The following MYO1F variants were observed in gnomAD, a reference collection of about 807,000 sequenced individuals.
MYO1F encodes unconventional myosin-If.
In MYO1F, 60 loss-of-function variants were observed where a neutral mutation model predicts 146.6. The ratio of observed to expected loss-of-function variants is 0.41; its 90% confidence interval spans 0.33 to 0.51. The LOEUF (loss-of-function observed/expected upper bound fraction) is 0.51, where lower values mean the gene tolerates loss of function less well. Among genes scored for constraint, MYO1F ranks in the 20% least tolerant of loss-of-function variants. MYO1F has a pLI of 0.25. For missense variants in MYO1F, 1,274 were observed against 1,534.3 expected (o/e 0.83, Z 2.83); for synonymous variants, 602 against 602.1 (o/e 1.00, Z 0.00).
intron 16 of MYO1F, 108 bp from the exon 17 acceptor site, chr19:8,537,163 G>C (rs996407394): frequency 1.3e-6 from 1 of 761,588 alleles, no homozygotes. Context: ...CTGGGGGTGG[G>C]TGAGGGCTGG....
chr19:8,561,596 TCTTC>T lies in MYO1F; in HGVS notation c.4-5804_4-5801del, dbSNP rs1286437781. ...CCTTCCTTCCTTCCCTCCCTCCCTC[TCTTC>T]TCTTTTTTCTTTCTCTCTTTCTTTC... On this transcript the variant is annotated intron_variant, in intron 1 of 27. Coordinates refer to ENST00000644032, the MANE Select transcript of MYO1F (RefSeq NM_012335.4). 1.5e-4 allele frequency among the ~76,000 whole-genome samples: 17 copies of T among 111,882 alleles called. No individual in the cohort carries two copies. In the East Asian group the frequency reaches 3.4e-3, roughly 22 times the overall value. 73.4% of individuals were successfully genotyped at this position (111,882 alleles called of 152,430 possible).
rs375744241 is a variant in MYO1F, at chr19:8,550,258, C to T, written c.1003G>A (p.Glu335Lys). Residue 335 changes from glutamate to lysine, a missense_variant, in exon 10 of 28, where the codon GAG becomes AAG. Glu to Lys is a moderately conservative substitution (Grantham distance 56, BLOSUM62 1). Around this residue, in one of 2 missense-constraint regions of MYO1F, gnomAD observed 900 missense variants for 1,155.1 expected, o/e 0.78. Transcript: ENST00000644032. ...ACGTTGAGGGTCACATTGATGGACTCGCTGCGCCCGCCCCAGCGGCTGTCC... is the reference window on the plus strand; with the variant it reads ...ACGTTGAGGGTCACATTGATGGACTTGCTGCGCCCGCCCCAGCGGCTGTCC... Reference protein sequence around the residue: ...KMDSRWGGRSESINVTLNVEQ... With the variant: ...KMDSRWGGRSKSINVTLNVEQ... The T allele has an allele frequency of 4.3e-6, 7 of 1,614,070 alleles. No homozygotes were observed. The African/African-American group carries it at 5.3e-5, about 12-fold the overall frequency.
In MYO1F at chr19:8,530,106, G is replaced by C; in HGVS notation, c.2328+90C>G. 1 of 1,539,170 alleles carries C rather than the reference G, an allele frequency of 6.5e-7. No individual in the cohort carries two copies. Among genetic ancestry groups the C allele is most frequent in the Non-Finnish European group, 9.0e-7 (1 of 1,115,560 alleles). On this transcript the variant is annotated intron_variant, in intron 21 of 27. Coordinates refer to ENST00000644032, the MANE Select transcript of MYO1F (RefSeq NM_012335.4). The surrounding 1 kb of genome is among the most constrained non-coding windows in gnomAD (Gnocchi z 5.8). ...TGGAACAGATGGATCTAGGCTGGGG[G>C]ATATCTGGCTGTGGGCAGGTGCATC...
chr19:8,553,247 G>A lies in MYO1F; in HGVS notation c.415-19C>T. 6.2e-7 allele frequency: 1 copy of A among 1,613,894 alleles called. No individual in the cohort carries two copies. The highest frequency in any genetic ancestry group is 8.5e-7 in the Non-Finnish European group (1 of 1,179,786). ...TGACGTGCTGGGGCAGAGGCAGGTG[G>A]AGTGGGAAGAAGTCAGACTGAGGCA... is the stretch of plus-strand genomic sequence containing the variant. On this transcript the variant is annotated intron_variant, in intron 5 of 27. Coordinates refer to ENST00000644032, the MANE Select transcript of MYO1F (RefSeq NM_012335.4).
chr19:8,533,252 C>T (rs1047513360), intron 19 of MYO1F, among the ~76,000 whole-genome samples: 4 of 151,968 alleles, frequency 2.6e-5, no homozygotes, highest in Admixed American at 1.3e-4. Context: ...TCGTCTGGAA[C>T]TCCTGGGCTC....
At chr19:8,553,035 T>C (rs1186730524) in intron 6 of MYO1F, 104 bp downstream of exon 6, 5 of 1,131,316 alleles carry the variant, frequency 4.4e-6, no homozygotes, top group East Asian at 4.7e-5. Flanking sequence ...GGGTTTTCAA[T>C]GGACTCTTGT....
intron 6 of MYO1F, 65 bp downstream of exon 6, chr19:8,553,074 G>T (rs1973681810): frequency 1.4e-6 from 2 of 1,409,658 alleles, no homozygotes; most frequent in Non-Finnish European, 2.0e-6. Context: ...TGTATGTGTG[G>T]GTGTGTGTGT....
rs779141648 is a variant in MYO1F at position 8,550,542 on chromosome 19, T to C, written c.904+20A>G. 1.2e-6 allele frequency: 2 copies of C among 1,614,070 alleles called. No homozygotes were observed. The highest frequency in any genetic ancestry group is 3.3e-5 in the Admixed American group (2 of 59,998). On this transcript the variant is annotated intron_variant, in intron 9 of 27. Coordinates refer to ENST00000644032, the MANE Select transcript of MYO1F (RefSeq NM_012335.4). Reference sequence around the variant, plus strand: ...CCACCCACAGGCCTCCATCCAGCCCTCCCTGATACCCACACTCACGGTCCA... The same window carrying C: ...CCACCCACAGGCCTCCATCCAGCCCCCCCTGATACCCACACTCACGGTCCA...
At position 8,530,580 on chromosome 19, in the gene MYO1F, G is replaced by T. The variant is rs199833314; in HGVS notation, c.2044-7C>A. The T allele has an allele frequency of 1.9e-6, 3 of 1,603,762 alleles. No homozygotes were observed. The highest frequency in any genetic ancestry group is 1.7e-6 in the Non-Finnish European group (2 of 1,175,818). On this transcript the variant is annotated splice_polypyrimidine_tract_variant and splice_region_variant and intron_variant, in intron 19 of 27. Coordinates refer to ENST00000644032, the MANE Select transcript of MYO1F (RefSeq NM_012335.4). The surrounding 1 kb of genome is among the most constrained non-coding windows in gnomAD (Gnocchi z 5.8). ...CCTCCTCCAGGAGGAAAAGCTGGGCGGGGGTCGTGGGGGGCAAGGGTGAGT... is the reference window on the plus strand; with the variant it reads ...CCTCCTCCAGGAGGAAAAGCTGGGCTGGGGTCGTGGGGGGCAAGGGTGAGT...
chr19:8,563,424 A>C (rs1438393340), intron 1 of MYO1F, among the ~76,000 whole-genome samples: 1 of 151,458 alleles, frequency 6.6e-6, no homozygotes, highest in Admixed American at 6.6e-5. Context: ...CAGCCTCCTG[A>C]GTACCTGGGA....
At chr19:8,576,105 T>C (rs2042235201) in intron 1 of MYO1F, among the ~76,000 whole-genome samples, 1 of 152,184 alleles carries the variant, frequency 6.6e-6, no homozygotes, top group African/African-American at 2.4e-5. Context: ...CAAGTTATTC[T>C]CTTGCCTCAG....
At chr19:8,545,054 A>G (rs1312968839) in intron 13 of MYO1F, among the ~76,000 whole-genome samples, 1 of 152,170 alleles carries the variant, frequency 6.6e-6, no homozygotes, top group Non-Finnish European at 1.5e-5. Flanking sequence ...CTGGGATTAC[A>G]GGCATGAGCC....
chr19:8,569,078 G>A (rs1041742329), intron 1 of MYO1F, among the ~76,000 whole-genome samples: 11 of 152,168 alleles, frequency 7.2e-5, no homozygotes, highest in Non-Finnish European at 1.3e-4. Context: ...TGGACAGAAA[G>A]CCTGGTCAAT....
At chr19:8,570,304 A>G (rs767476752) in intron 1 of MYO1F, among the ~76,000 whole-genome samples, 6 of 151,904 alleles carry the variant, frequency 3.9e-5, no homozygotes, top group Non-Finnish European at 5.9e-5. Context: ...TCCTGACCTC[A>G]GGCAATCCAC....
chr19:8,551,277 C>G (rs928486898), intron 8 of MYO1F: 2 of 240,586 alleles, frequency 8.3e-6, no homozygotes, highest in Non-Finnish European at 1.6e-5. Context: ...GTCTTGAACT[C>G]CTGACCTCAG....
At chr19:8,522,232 C>T (rs541729758) in intron 27 of MYO1F, 145 bp downstream of exon 27, 2 of 1,023,860 alleles carry the variant, frequency 2.0e-6, no homozygotes, top group African/African-American at 1.6e-5. Context: ...CTGTGTTAGC[C>T]AGGATGGTCT....
intron 1 of MYO1F, among the ~76,000 whole-genome samples, chr19:8,563,338 C>T (rs2041941378): frequency 6.7e-6 from 1 of 148,240 alleles, no homozygotes; most frequent in South Asian, 2.2e-4. Context: ...TGCTCTATCG[C>T]CCAGGCTGGA....
chr19:8,551,694 G>T (rs748702962), intron 8 of MYO1F, 46 bp downstream of exon 8: 7 of 1,613,958 alleles, frequency 4.3e-6, no homozygotes, highest in Non-Finnish European at 5.9e-6. Flanking sequence ...GGTTTCTGGG[G>T]CTGAGGTCTG....
chr19:8,543,289 G>C (rs903404004), intron 14 of MYO1F, among the ~76,000 whole-genome samples: 6 of 152,200 alleles, frequency 3.9e-5, no homozygotes, highest in Non-Finnish European at 8.8e-5. Flanking sequence ...GTGTAGTCCT[G>C]TCTTTTGGGG....
Sources: allele counts gnomAD v4.1 joint callset (sites outside exome capture counted in the v4.1 genomes callset), GRCh38; gene constraint gnomAD v4.1.1; regional missense constraint gnomAD v4.1.1; non-coding constraint Gnocchi (gnomAD v3.1); transcripts MANE v1.5; gene names NCBI Gene and HGNC (gene_info 2026-07-23, HGNC 2026-07-21).